ADAMTSL3: variants seen among roughly 807,000 people sequenced by gnomAD.
ADAMTSL3 encodes the protein ADAMTS-like protein 3.
ADAMTSL3 carries 128 observed loss-of-function variants against 201.7 expected under a neutral mutation model. The ratio of observed to expected loss-of-function variants is 0.63; its 90% CI spans 0.55 to 0.73. The LOEUF (loss-of-function observed/expected upper bound fraction) is 0.73. Ranked by LOEUF, ADAMTSL3 falls within the 30% of genes least tolerant of loss-of-function variation. ADAMTSL3 has a pLI of 0.00. For missense variants in ADAMTSL3, 1,990 were observed against 2,119.6 expected (o/e 0.94, Z 1.20); for synonymous variants, 738 against 748.4 (o/e 0.99, Z 0.23).
chr15:83,743,998 G>A (rs977507776), intron 3 of ADAMTSL3, among the ~76,000 whole-genome samples: 3 of 151,860 alleles, frequency 2.0e-5, no homozygotes, highest in Admixed American at 6.6e-5. Flanking sequence ...CTACAGGTGC[G>A]TGCCACCACT....
intron 20 of ADAMTSL3, among the ~76,000 whole-genome samples, chr15:83,973,685 T>A (rs1203320987): frequency 6.6e-6 from 1 of 152,156 alleles, no homozygotes; most frequent in Non-Finnish European, 1.5e-5. Context: ...TGTCTTTCAT[T>A]CCATTAGGAA....
At chr15:83,889,127 A>T (rs2065455942) in intron 10 of ADAMTSL3, among the ~76,000 whole-genome samples, 1 of 152,242 alleles carries the variant, frequency 6.6e-6, no homozygotes, top group Non-Finnish European at 1.5e-5. Flanking sequence ...TATAGCACTC[A>T]TCTATTTGCA....
intron 20 of ADAMTSL3, among the ~76,000 whole-genome samples, 168 bp from the exon 21 acceptor site, chr15:83,982,105 A>G (rs2141809778): frequency 6.6e-6 from 1 of 152,214 alleles, no homozygotes; most frequent in Admixed American, 6.5e-5. Flanking sequence ...ATTTACCCCA[A>G]TCTGTGGATG....
In ADAMTSL3 at chr15:83,654,769, A is replaced by C. The variant is rs944994945; in HGVS notation, c.-34+493A>C. On this transcript the variant is annotated intron_variant, in intron 1 of 29. Transcript: ENST00000286744. This position sits in a 1 kb window ranked among gnomAD's most constrained non-coding sequence, Gnocchi z 5.3. ...GCAGCGGGTAGTCGGAGGAGTGTGCACTCGGAAGGCTGGTGCGAGCAGGCG... is the reference window on the plus strand; with the variant it reads ...GCAGCGGGTAGTCGGAGGAGTGTGCCCTCGGAAGGCTGGTGCGAGCAGGCG... Among the ~76,000 whole-genome samples the C allele has an allele frequency of 6.6e-6, 1 of 152,006 alleles. No individual in the cohort carries two copies. The highest frequency in any genetic ancestry group is 2.1e-4 in the South Asian group (1 of 4,808).
intron 3 of ADAMTSL3, among the ~76,000 whole-genome samples, chr15:83,733,178 T>C (rs2062310391): frequency 6.6e-6 from 1 of 152,140 alleles, no homozygotes; most frequent in Middle Eastern, 3.2e-3. Context: ...ATGAACTGAA[T>C]CATCCATTCA....
At chr15:83,955,917 G>A (rs1250494791) in intron 19 of ADAMTSL3, among the ~76,000 whole-genome samples, 1 of 152,048 alleles carries the variant, frequency 6.6e-6, no homozygotes, top group Non-Finnish European at 1.5e-5. Context: ...TTCCCCAGCT[G>A]CCCCATCTGG....
chr15:83,758,241 C>T (rs895154262), intron 3 of ADAMTSL3, among the ~76,000 whole-genome samples: 2 of 152,210 alleles, frequency 1.3e-5, no homozygotes, highest in African/African-American at 4.8e-5. Flanking sequence ...GTTTAATTGA[C>T]TCACAGTTCT....
chr15:83,700,989 C>T (rs901724786), intron 2 of ADAMTSL3, among the ~76,000 whole-genome samples: 10 of 152,082 alleles, frequency 6.6e-5, no homozygotes, highest in East Asian at 1.9e-4. Flanking sequence ...TTCAGAGGGA[C>T]GTTTTAGCGT....
chr15:84,023,217 C>A lies in ADAMTSL3; in HGVS notation c.4457+1624C>A, dbSNP rs148832753. 8.2e-3 allele frequency among the ~76,000 whole-genome samples: 1,254 copies of A among 152,222 alleles called. 16 individuals carry two copies. The highest frequency in any genetic ancestry group is 0.029 in the African/African-American group (1,191 of 41,524). On this transcript the variant is annotated intron_variant, in intron 26 of 29. Transcript: ENST00000286744. ...AATGAATGAATGATTACAACACAGA[C>A]CCTAGCAGATAGTTGACCAAATAGT... is the stretch of plus-strand genomic sequence containing the variant.
intron 20 of ADAMTSL3, among the ~76,000 whole-genome samples, 167 bp from the exon 21 acceptor site, chr15:83,982,106 T>A (rs2067393955): frequency 6.6e-6 from 1 of 152,200 alleles, no homozygotes; most frequent in Admixed American, 6.5e-5. Context: ...TTTACCCCAA[T>A]CTGTGGATGT....
intron 6 of ADAMTSL3, among the ~76,000 whole-genome samples, chr15:83,836,012 A>C (rs2064262161): frequency 6.6e-6 from 1 of 152,230 alleles, no homozygotes; most frequent in Admixed American, 6.5e-5. Context: ...CCTCATGACA[A>C]AATTGCTCTG....
In ADAMTSL3 at chr15:84,014,954, T is replaced by TGTGTGA. The variant is rs1491159931; in HGVS notation, c.4156+230_4156+231insGTGTGA. The stretch of plus-strand genomic sequence containing the variant: ...AGTGTTTGTGTGTGTGTGTGTGTGA[T>TGTGTGA]TTTTTTTTTTTAAACGGAGTCTTGC... On this transcript the variant is annotated intron_variant, in intron 24 of 29. Transcript: ENST00000286744. 3.0e-3 allele frequency among the ~76,000 whole-genome samples: 15 copies of TGTGTGA among 4,950 alleles called. No individual in the cohort carries two copies. In the African/African-American group the frequency reaches 0.047, roughly 15 times the overall value. The allele number at this position is 4,950 out of a possible 152,430, so 3.2% of individuals were successfully genotyped here.
At chr15:83,712,169 G>A (rs1201535430) in intron 3 of ADAMTSL3, among the ~76,000 whole-genome samples, 1 of 152,216 alleles carries the variant, frequency 6.6e-6, no homozygotes, top group Non-Finnish European at 1.5e-5. Flanking sequence ...ATGAAAGAAA[G>A]CAAGTAGACT....
intron 6 of ADAMTSL3, among the ~76,000 whole-genome samples, chr15:83,822,433 T>A (rs1399346252): frequency 7.3e-6 from 1 of 137,828 alleles, no homozygotes; most frequent in African/African-American, 2.9e-5. Flanking sequence ...TCCTCACTTC[T>A]CAGACGGGGC....
chr15:83,976,462 G>A lies in ADAMTSL3; in HGVS notation c.2645-5811G>A, dbSNP rs577341674. ...ATGATTCTAGCACATTAAATGTATT[G>A]TGTACTTTCTTTATATTATTATTAC... is the stretch of plus-strand genomic sequence containing the variant. On this transcript the variant is annotated intron_variant, in intron 20 of 29. Coordinates refer to ENST00000286744, the MANE Select transcript of ADAMTSL3 (RefSeq NM_207517.3). 9.2e-5 allele frequency among the ~76,000 whole-genome samples: 14 copies of A among 152,124 alleles called. 1 individual carries two copies. In the South Asian group the frequency reaches 1.9e-3, roughly 20 times the overall value.
intron 7 of ADAMTSL3, among the ~76,000 whole-genome samples, chr15:83,850,638 A>C (rs1214879323): frequency 6.6e-6 from 1 of 152,086 alleles, no homozygotes; most frequent in Non-Finnish European, 1.5e-5. Flanking sequence ...ATTTTTCATC[A>C]TCAATGTATT....
chr15:83,785,445 C>T (rs1017364126), intron 4 of ADAMTSL3, among the ~76,000 whole-genome samples: 1 of 152,248 alleles, frequency 6.6e-6, no homozygotes, highest in East Asian at 1.9e-4. Context: ...TCCCATAAAG[C>T]TTGGTGTACG....
chr15:83,790,072 C>T (rs761718179), intron 4 of ADAMTSL3, among the ~76,000 whole-genome samples: 68 of 151,676 alleles, frequency 4.5e-4, no homozygotes, highest in Non-Finnish European at 7.9e-4. Context: ...ATAATTATTA[C>T]AGAAAATTGA....
chr15:83,720,448 A>G (rs548789060), intron 3 of ADAMTSL3, among the ~76,000 whole-genome samples: 1 of 152,360 alleles, frequency 6.6e-6, no homozygotes, highest in East Asian at 1.9e-4. Flanking sequence ...ATATTCAATT[A>G]AGTTCAAACT....
Sources: gnomAD v4.1 joint callset for allele counts (sites outside exome capture counted in the v4.1 genomes callset) on GRCh38, gnomAD v4.1.1 for gene constraint, Gnocchi (gnomAD v3.1) non-coding constraint, MANE v1.5 for transcripts, NCBI Gene and HGNC (gene_info 2026-07-23, HGNC 2026-07-21) for gene names.